DCC: variants seen among roughly 807,000 people sequenced by gnomAD.
DCC encodes the protein netrin receptor DCC.
Under a neutral mutation model 172.5 loss-of-function variants are expected in DCC, and 58 were observed. That is an observed-to-expected ratio of 0.34 (90% CI 0.27 to 0.42). DCC has a LOEUF of 0.42. DCC is among the 10% of genes least tolerant of loss of function. The probability of loss-of-function intolerance (pLI) is 1.00; values close to 1 mark genes in which losing one functional copy is unlikely to be tolerated. For missense variants in DCC, 1,740 were observed against 1,791.0 expected, an observed-to-expected ratio of 0.97 and a Z score of 0.51; for synonymous variants, 709 against 644.5, an observed-to-expected ratio of 1.10 and a Z score of -1.52.
At chr18:52,873,711 T>A (rs1485347625) in intron 2 of DCC, among the ~76,000 whole-genome samples, 1 of 152,162 alleles carries the variant, frequency 6.6e-6, no homozygotes, top group African/African-American at 2.4e-5. Flanking sequence ...TGTGGGTATA[T>A]GACAATCGAA....
At chr18:53,404,063 C>T (rs1909490921) in intron 19 of DCC, among the ~76,000 whole-genome samples, 1 of 152,194 alleles carries the variant, frequency 6.6e-6, no homozygotes, top group East Asian at 1.9e-4. Context: ...CTGGCTCATT[C>T]CAATTTTCTT....
At chr18:53,125,806 C>T (rs1032391572) in intron 7 of DCC, among the ~76,000 whole-genome samples, 13 of 152,106 alleles carry the variant, frequency 8.5e-5, no homozygotes, top group Non-Finnish European at 1.6e-4. Context: ...ACTAACTTAA[C>T]ACGAGTTCCC....
intron 1 of DCC, among the ~76,000 whole-genome samples, chr18:52,499,940 T>A (rs78157884): frequency 0.043 from 6,495 of 152,166 alleles, 181 homozygotes; most frequent in Non-Finnish European, 0.063. Flanking sequence ...TAGGGATAAA[T>A]CCTATATATC....
At chr18:52,858,200 C>T (rs1278851065) in intron 2 of DCC, among the ~76,000 whole-genome samples, 1 of 152,180 alleles carries the variant, frequency 6.6e-6, no homozygotes, top group East Asian at 1.9e-4. Context: ...GGAAGGCTAG[C>T]ACGCCCATTT....
At chr18:52,619,065 G>A (rs1002984938) in intron 1 of DCC, among the ~76,000 whole-genome samples, 10 of 152,160 alleles carry the variant, frequency 6.6e-5, no homozygotes, top group African/African-American at 2.4e-4. Context: ...AGCCTCCTGA[G>A]TAGCTGGGAT....
At chr18:53,215,304 C>T (rs571797691) in intron 11 of DCC, among the ~76,000 whole-genome samples, 56 of 151,986 alleles carry the variant, frequency 3.7e-4, no homozygotes, top group African/African-American at 8.4e-4. Flanking sequence ...CGTTCTCTTG[C>T]GTAACAGTTT....
At chr18:52,611,135 C>G (rs1282442282) in intron 1 of DCC, among the ~76,000 whole-genome samples, 1 of 152,072 alleles carries the variant, frequency 6.6e-6, no homozygotes, top group Non-Finnish European at 1.5e-5. Context: ...TTCAGTGACC[C>G]CCCCCTCCTG....
intron 25 of DCC, among the ~76,000 whole-genome samples, chr18:53,484,381 G>T (rs557622529): frequency 6.6e-6 from 1 of 151,188 alleles, no homozygotes; most frequent in African/African-American, 2.4e-5. Context: ...GACAAGATTA[G>T]GTTGCCTTTT....
At chr18:52,852,697 G>A (rs754037243) in intron 2 of DCC, among the ~76,000 whole-genome samples, 1 of 152,028 alleles carries the variant, frequency 6.6e-6, no homozygotes, top group South Asian at 2.1e-4. Flanking sequence ...TTATTTTTAT[G>A]TAGTTACAGT....
At chr18:53,212,499 T>C (rs1038690338) in intron 11 of DCC, among the ~76,000 whole-genome samples, 8 of 152,072 alleles carry the variant, frequency 5.3e-5, no homozygotes, top group African/African-American at 1.9e-4. Context: ...AAAAATACTG[T>C]AGAAAAAATT....
At chr18:53,187,118 CT>C (rs1264434968) in intron 9 of DCC, among the ~76,000 whole-genome samples, 27 of 129,360 alleles carry the variant, frequency 2.1e-4, no homozygotes, top group East Asian at 1.2e-3. Context: ...TACTTTCTCT[CT>C]TTTTTTTTTC....
At chr18:52,923,558 G>T (rs1273308130) in intron 3 of DCC, 149 bp from the exon 4 acceptor site, 1 of 685,110 alleles carries the variant, frequency 1.5e-6, no homozygotes, top group Non-Finnish European at 2.6e-6. Flanking sequence ...ATACACTTGG[G>T]ATGAAAAAAA....
intron 3 of DCC, among the ~76,000 whole-genome samples, chr18:52,920,970 G>T (rs1193053467): frequency 6.6e-6 from 1 of 152,118 alleles, no homozygotes; most frequent in East Asian, 1.9e-4. Flanking sequence ...CCTGGAAAAG[G>T]TACAACTATA....
At chr18:53,063,162 T>C (rs879897562) in intron 5 of DCC, 143 bp from the exon 6 acceptor site, 77 of 864,066 alleles carry the variant, frequency 8.9e-5, no homozygotes, top group Admixed American at 3.7e-4. Context: ...AGTTCCTGTA[T>C]AATAAGCTAA....
At chr18:52,832,096 A>T (rs2038625149) in intron 2 of DCC, among the ~76,000 whole-genome samples, 1 of 152,226 alleles carries the variant, frequency 6.6e-6, no homozygotes, top group Non-Finnish European at 1.5e-5. Context: ...TGCTTGCAGC[A>T]TGATCATTTC....
At chr18:53,309,985 C>T (rs1298868258) in intron 13 of DCC, among the ~76,000 whole-genome samples, 2 of 73,648 alleles carry the variant, frequency 2.7e-5, no homozygotes, top group African/African-American at 1.1e-4. Flanking sequence ...TATATATACT[C>T]TTTCTAAATT....
intron 1 of DCC, among the ~76,000 whole-genome samples, chr18:52,545,464 G>A (rs1962117946): frequency 6.6e-6 from 1 of 152,174 alleles, no homozygotes; most frequent in South Asian, 2.1e-4. Flanking sequence ...CCTCAAGCCG[G>A]TTCAGCTCTC....
At chr18:52,376,638 T>G (rs2144312842) in intron 1 of DCC, among the ~76,000 whole-genome samples, 1 of 152,272 alleles carries the variant, frequency 6.6e-6, no homozygotes, top group East Asian at 1.9e-4. Context: ...ATCTCATCTT[T>G]TACACCATTT....
At chr18:52,405,273 C>G (rs1014139501) in intron 1 of DCC, among the ~76,000 whole-genome samples, 76 of 149,684 alleles carry the variant, frequency 5.1e-4, no homozygotes, top group African/African-American at 1.7e-3. Context: ...GTTTACAGTC[C>G]CACCAACAGT....
Sources: allele counts gnomAD v4.1 joint callset (sites outside exome capture counted in the v4.1 genomes callset), GRCh38; gene constraint gnomAD v4.1.1; transcripts MANE v1.5; gene names NCBI Gene and HGNC (gene_info 2026-07-23, HGNC 2026-07-21).